Variants in ERCC8 observed in about 807,000 individuals in gnomAD.
ERCC8 encodes the protein ERCC excision repair 8, CSA ubiquitin ligase complex subunit.
ERCC8 carries 52 observed loss-of-function variants against 54.9 expected under a neutral mutation model. The ratio of observed to expected loss-of-function variants is 0.95; its 90% CI spans 0.76 to 1.19. The LOEUF is 1.19. ERCC8 is among the 50% of genes most tolerant of loss of function. The pLI is 0.00. For missense variants in ERCC8, 514 were observed against 466.1 expected (o/e 1.10, Z -0.95); for synonymous variants, 146 against 157.2 (o/e 0.93, Z 0.53).
Position 60,923,742 on chromosome 5 carries a change from C to T in ERCC8, c.174-1587G>A, listed in dbSNP as rs532543793. Among the ~76,000 whole-genome samples, 6 of 152,170 alleles carry T rather than the reference C, an allele frequency of 3.9e-5. No individual in the cohort carries two copies. In the South Asian group the frequency reaches 8.3e-4, roughly 21 times the overall value. On this transcript the variant is annotated intron_variant, in intron 2 of 11. Transcript: ENST00000676185. ...AATTTAAATATTATAAAATCTTAGA[C>T]ATTGTGAATGTTATTCCATTACAAA... is the stretch of plus-strand genomic sequence containing the variant.
chr5:60,920,274 A>G (rs1323953704), intron 3 of ERCC8, among the ~76,000 whole-genome samples: 1 of 152,018 alleles, frequency 6.6e-6, no homozygotes, highest in Non-Finnish European at 1.5e-5. Flanking sequence ...GCTTAAGATA[A>G]GCAGATTGAT....
rs1365428394 is a variant in ERCC8 at position 60,933,753 on chromosome 5, G to GTT, written c.78-4795_78-4794insAA. Among the ~76,000 whole-genome samples, 12 of 152,148 alleles carry GTT rather than the reference G, an allele frequency of 7.9e-5. No homozygotes were observed. The East Asian group carries it at 2.1e-3, about 27-fold the overall frequency. ...CCACCCTTTCCCCCGAGTCCCCAAA[G>GTT]TCCACTGTATCATTCTTATGCCTTT... On this transcript the variant is annotated intron_variant, in intron 1 of 11. Transcript: ENST00000676185.
At chr5:60,905,506 G>A (rs1252572449) in intron 4 of ERCC8, among the ~76,000 whole-genome samples, 1 of 151,974 alleles carries the variant, frequency 6.6e-6, no homozygotes, top group East Asian at 1.9e-4. Context: ...CTTCACCCTG[G>A]GTGACCCCAA....
rs1747914859 is a variant in ERCC8, at chr5:60,873,681, A to G, written c.*934T>C. On this transcript the variant is annotated 3_prime_UTR_variant, in exon 12 of 12. Coordinates refer to ENST00000676185, the MANE Select transcript of ERCC8 (RefSeq NM_000082.4). ...GACAGAGTGAAACTCCATCTCAGGAAAAAAACAAAAAAACAAAAAACCCTC... is the reference window on the plus strand; with the variant it reads ...GACAGAGTGAAACTCCATCTCAGGAGAAAAACAAAAAAACAAAAAACCCTC... 1 of 152,228 alleles carries G rather than the reference A, an allele frequency of 6.6e-6. No homozygotes were observed. The highest frequency in any genetic ancestry group is 1.5e-5 in the Non-Finnish European group (1 of 68,100). The allele number at this position is 152,228 out of a possible 1,614,324, so 9.4% of individuals were successfully genotyped here. A position where few individuals can be genotyped will look rare whatever the true frequency, so the allele number is the denominator to read the frequency against.
intron 7 of ERCC8, among the ~76,000 whole-genome samples, chr5:60,902,074 T>A (rs1748919697): frequency 6.6e-6 from 1 of 152,052 alleles, no homozygotes; most frequent in South Asian, 2.1e-4. Context: ...CATTAAATAT[T>A]AGAAAATTGA....
Position 60,916,803 on chromosome 5 carries a change from G to C in ERCC8, c.399+1462C>G, listed in dbSNP as rs568906796. ...TACTTCATGATTTTATTACTTTTTAGTATGTGGCCAGTTACATACATTGTT... is the reference window on the plus strand; with the variant it reads ...TACTTCATGATTTTATTACTTTTTACTATGTGGCCAGTTACATACATTGTT... On this transcript the variant is annotated intron_variant, in intron 4 of 11. Coordinates refer to ENST00000676185, the MANE Select transcript of ERCC8 (RefSeq NM_000082.4). Among the ~76,000 whole-genome samples the C allele has an allele frequency of 6.6e-5, 10 of 151,888 alleles. No homozygotes were observed. In the South Asian group the frequency reaches 2.1e-3, roughly 32 times the overall value.
chr5:60,923,211 T>C (rs1202882540), intron 2 of ERCC8, among the ~76,000 whole-genome samples: 1 of 152,128 alleles, frequency 6.6e-6, no homozygotes, highest in East Asian at 1.9e-4. Flanking sequence ...ACCTACAAAA[T>C]TATTCTATTC....
chr5:60,915,885 A>C (rs1459595697), intron 4 of ERCC8, among the ~76,000 whole-genome samples: 1 of 151,980 alleles, frequency 6.6e-6, no homozygotes, highest in African/African-American at 2.4e-5. Flanking sequence ...ATTAGTACAT[A>C]GACATCTGGG....
At chr5:60,886,381 T>G (rs989262552) in intron 11 of ERCC8, among the ~76,000 whole-genome samples, 1 of 152,144 alleles carries the variant, frequency 6.6e-6, no homozygotes, top group Non-Finnish European at 1.5e-5. Flanking sequence ...GAGTGTAAAC[T>G]GGTAAAATTT....
chr5:60,901,601 C>A (rs540507745), intron 7 of ERCC8, among the ~76,000 whole-genome samples: 13 of 152,150 alleles, frequency 8.5e-5, no homozygotes, highest in African/African-American at 3.1e-4. Flanking sequence ...GCCAAAGCTA[C>A]AAAGTTAACT....
chr5:60,912,993 C>T (rs762850414), intron 4 of ERCC8, among the ~76,000 whole-genome samples: 1 of 152,008 alleles, frequency 6.6e-6, no homozygotes, highest in African/African-American at 2.4e-5. Context: ...ATTCAGTCTG[C>T]CAGTATTTTA....
chr5:60,918,714 AAG>A (rs1749513004), intron 3 of ERCC8: 1 of 334,808 alleles, frequency 3.0e-6, no homozygotes, highest in African/African-American at 2.1e-5. Flanking sequence ...GTCTTACTGG[AAG>A]AGACAGCTGT....
intron 9 of ERCC8, among the ~76,000 whole-genome samples, chr5:60,897,986 A>G (rs754952354): frequency 2.0e-5 from 3 of 152,200 alleles, no homozygotes; most frequent in Non-Finnish European, 4.4e-5. Flanking sequence ...TCTTTAATTT[A>G]TATCAGTAGT....
intron 1 of ERCC8, among the ~76,000 whole-genome samples, chr5:60,944,473 C>T (rs1750363772): frequency 1.3e-5 from 2 of 152,218 alleles, no homozygotes; most frequent in African/African-American, 4.8e-5. Flanking sequence ...ATGGTCCCTA[C>T]CCCAATTCTC....
intron 9 of ERCC8, among the ~76,000 whole-genome samples, chr5:60,895,113 T>C (rs1351398619): frequency 7.1e-6 from 1 of 140,266 alleles, no homozygotes; most frequent in Admixed American, 7.8e-5. Flanking sequence ...GAGGCTGCAG[T>C]GAGCCAAGAT....
At chr5:60,939,533 T>G (rs763598004) in intron 1 of ERCC8, among the ~76,000 whole-genome samples, 8 of 152,170 alleles carry the variant, frequency 5.3e-5, no homozygotes, top group Non-Finnish European at 1.0e-4. Flanking sequence ...AGTCTCGCTC[T>G]GTCACCCAGG....
At chr5:60,878,332 C>CT (rs1459253457) in intron 11 of ERCC8, among the ~76,000 whole-genome samples, 2 of 152,086 alleles carry the variant, frequency 1.3e-5, no homozygotes, top group Non-Finnish European at 2.9e-5. Context: ...GTAAAATTCT[C>CT]TTTTTTTGTT....
Position 60,928,952 on chromosome 5 carries a change from C to G in ERCC8, c.85G>C (p.Gly29Arg). 6.3e-7 allele frequency: 1 copy of G among 1,587,154 alleles called. No homozygotes were observed. The highest frequency in any genetic ancestry group is 1.1e-5 in the South Asian group (1 of 89,694). ...RRAESTRRVL[G>R]LELNKDRDVE... ...TCTCTGTCTTTATTTAATTCCAGTC[C>G]CAAAACTCTTAAAAATAAAAGGGGG... The change falls in exon 2 of 12, where the codon GGA (glycine) becomes CGA (arginine). Residue 29 changes from glycine to arginine, a missense_variant. Gly to Arg is a moderately radical substitution (Grantham distance 125). Coordinates refer to ENST00000676185, the MANE Select transcript of ERCC8 (RefSeq NM_000082.4).
intron 4 of ERCC8, among the ~76,000 whole-genome samples, chr5:60,914,382 C>G (rs146449543): frequency 1.1e-4 from 17 of 152,014 alleles, no homozygotes; most frequent in Non-Finnish European, 1.8e-4. Context: ...GGTTTAAAGT[C>G]TGTTTTATCA....
Sources: allele counts gnomAD v4.1 joint callset (sites outside exome capture counted in the v4.1 genomes callset), GRCh38; gene constraint gnomAD v4.1.1; transcripts MANE v1.5; gene names NCBI Gene and HGNC (gene_info 2026-07-23, HGNC 2026-07-21).